The following P2RY14 variants were observed in gnomAD, a reference collection of about 807,000 sequenced individuals.
The protein encoded by P2RY14 is purinergic receptor P2Y14, also known as P2Y purinoceptor 14.
Under a neutral mutation model 0.9 loss-of-function variants are expected in P2RY14, and 2 were observed. The ratio of observed to expected loss-of-function variants is 2.16; its 90% confidence interval spans 0.88 to 6.79. P2RY14 has a LOEUF of 6.79. Ranked by LOEUF, P2RY14 falls within the 30% of genes most tolerant of loss-of-function variation. The pLI, the probability that P2RY14 is intolerant of heterozygous loss-of-function variation, is 0.05. For missense variants in P2RY14, 378 were observed against 400.1 expected (o/e 0.94, Z 0.47); for synonymous variants, 158 against 147.2 (o/e 1.07, Z -0.53).
At chr3:151,235,659 A>G (rs1175608463) in intron 1 of P2RY14, among the ~76,000 whole-genome samples, 6 of 151,828 alleles carry the variant, frequency 4.0e-5, no homozygotes, top group Non-Finnish European at 7.4e-5. Flanking sequence ...GCGCCACTGC[A>G]CTCCAGCCTG....
At position 151,277,209 on chromosome 3, in the gene P2RY14, G is replaced by GT. The variant is rs1330337161; in HGVS notation, c.-133+1077dup. Among the ~76,000 whole-genome samples the GT allele has an allele frequency of 2.6e-3, 370 of 142,212 alleles. 2 individuals are homozygous for GT. The highest frequency in any genetic ancestry group is 0.011 in the East Asian group (53 of 4,902). 93.3% of individuals were successfully genotyped at this position (142,212 alleles called of 152,430 possible). A position where few individuals can be genotyped will look rare whatever the true frequency, so the allele number is the denominator to read the frequency against. ...GTGAGCCACCATGCCTGGCCTCCTT[G>GT]TTTTTTTTTTTTCCAGACATGACAA... On this transcript the variant is annotated intron_variant, in intron 1 of 2. Transcript: ENST00000309170.
In P2RY14 at chr3:151,213,517, C is replaced by A. The variant is rs142582353; in HGVS notation, c.800G>T (p.Cys267Phe). The A allele has an allele frequency of 8.7e-6, 14 of 1,614,000 alleles. No individual in the cohort carries two copies. The highest frequency in any genetic ancestry group is 1.1e-5 in the South Asian group (1 of 91,080). Residue 267 changes from cysteine (C) to phenylalanine (F), a missense_variant, in exon 3 of 3, where the codon TGC (cysteine) becomes TTC (phenylalanine). Coordinates refer to ENST00000309170, the MANE Select transcript of P2RY14 (RefSeq NM_014879.4). Reference protein sequence around the residue: ...TKSQTEAHYSCQSKEILRYMK... With the variant: ...TKSQTEAHYSFQSKEILRYMK... ...ATACCGCAAGATTTCTTTTGACTGG[C>A]AGCTGTAATGAGCTTCGGTCTGACT...
At chr3:151,216,262 C>G (rs984637429) in intron 2 of P2RY14, among the ~76,000 whole-genome samples, 1 of 152,174 alleles carries the variant, frequency 6.6e-6, no homozygotes, top group Non-Finnish European at 1.5e-5. Context: ...AAGATTTATT[C>G]AGGGATCAAG....
Position 151,213,219 on chromosome 3 carries a change from G to A in P2RY14, c.*81C>T, listed in dbSNP as rs982478855. On this transcript the variant is annotated 3_prime_UTR_variant, in exon 3 of 3. Transcript: ENST00000309170. The stretch of plus-strand genomic sequence containing the variant: ...GCTAGAGATGATATTTATGATGAGG[G>A]CACATATCTTATTGATTTCTGTTAT... 15 of 1,036,618 alleles carry A rather than the reference G, an allele frequency of 1.4e-5. No individual in the cohort carries two copies. The highest frequency in any genetic ancestry group is 9.5e-5 in the East Asian group (4 of 42,024). 64.2% of individuals were successfully genotyped at this position (1,036,618 alleles called of 1,614,324 possible).
In P2RY14 at chr3:151,247,962, C is replaced by CTTTTTTT. The variant is rs61102632; in HGVS notation, c.-132-28327_-132-28321dup. On this transcript the variant is annotated intron_variant, in intron 1 of 2. Transcript: ENST00000309170. ...GTTTACTTTCTTTCTTCTTCTTCTTCTTTTTTTTTTTTTTTTTTTTTTTGC... is the reference window on the plus strand; with the variant it reads ...GTTTACTTTCTTTCTTCTTCTTCTTCTTTTTTTTTTTTTTTTTTTTTTTTTTTTTTGC... 3.3e-3 allele frequency among the ~76,000 whole-genome samples: 253 copies of CTTTTTTT among 75,858 alleles called. 1 individual carries two copies. Among genetic ancestry groups the CTTTTTTT allele is most frequent in the Non-Finnish European group, 4.3e-3 (175 of 40,668 alleles). 49.8% of individuals were successfully genotyped at this position (75,858 alleles called of 152,430 possible). A position where few individuals can be genotyped will look rare whatever the true frequency, so the allele number is the denominator to read the frequency against.
chr3:151,241,346 C>CA, intron 1 of P2RY14, among the ~76,000 whole-genome samples: 1 of 152,226 alleles, frequency 6.6e-6, no homozygotes, highest in East Asian at 1.9e-4. Flanking sequence ...TGGCAAAAGG[C>CA]AAGTAAGCCT....
At chr3:151,251,868 C>G (rs1231978394) in intron 1 of P2RY14, among the ~76,000 whole-genome samples, 1 of 152,142 alleles carries the variant, frequency 6.6e-6, no homozygotes, top group African/African-American at 2.4e-5. Flanking sequence ...GCCACCTGAT[C>G]TGTTTATATC....
rs113459119 is a variant in P2RY14 at position 151,237,051 on chromosome 3, T to C, written c.-132-17409A>G. On this transcript the variant is annotated intron_variant, in intron 1 of 2. Coordinates refer to ENST00000309170, the MANE Select transcript of P2RY14 (RefSeq NM_014879.4). ...TTCAGGAAGTGATGCCAAACTTTTT[T>C]TTTTTTTTTTTTTTTGAGACGGAAT... Among the ~76,000 whole-genome samples the C allele has an allele frequency of 5.8e-3, 867 of 150,270 alleles. 4 individuals are homozygous for C. The highest frequency in any genetic ancestry group is 0.01 in the Non-Finnish European group (685 of 67,526).
intron 1 of P2RY14, among the ~76,000 whole-genome samples, chr3:151,233,266 T>G (rs1056928411): frequency 6.6e-6 from 1 of 152,234 alleles, no homozygotes; most frequent in African/African-American, 2.4e-5. Context: ...TACGCTGTCT[T>G]GTCATCTCTT....
intron 1 of P2RY14, among the ~76,000 whole-genome samples, chr3:151,249,383 A>G (rs1736402245): frequency 1.3e-5 from 2 of 152,160 alleles, no homozygotes; most frequent in African/African-American, 4.8e-5. Flanking sequence ...GAAAACCAAA[A>G]AATATTTGAG....
intron 1 of P2RY14, among the ~76,000 whole-genome samples, chr3:151,270,503 G>C (rs1223599257): frequency 6.6e-6 from 1 of 152,084 alleles, no homozygotes; most frequent in African/African-American, 2.4e-5. Context: ...CTGTGTATTA[G>C]TGCACAGAAT....
At position 151,270,158 on chromosome 3, in the gene P2RY14, T is replaced by G. The variant is rs1041584268; in HGVS notation, c.-133+8129A>C. ...AATAGAACACTGATAGGTTCCAACC[T>G]TTTTAAAAATTTTCTCCAGTTCCTG... On this transcript the variant is annotated intron_variant, in intron 1 of 2. Transcript: ENST00000309170. 1.4e-5 allele frequency: 3 copies of G among 210,074 alleles called. No homozygotes were observed. In the Admixed American group the frequency reaches 1.7e-4, roughly 12 times the overall value. 13.0% of individuals were successfully genotyped at this position (210,074 alleles called of 1,614,324 possible). A position where few individuals can be genotyped will look rare whatever the true frequency, so the allele number is the denominator to read the frequency against.
At chr3:151,247,691 G>A (rs1461189670) in intron 1 of P2RY14, among the ~76,000 whole-genome samples, 1 of 147,034 alleles carries the variant, frequency 6.8e-6, no homozygotes, top group Non-Finnish European at 1.5e-5. Flanking sequence ...CAGTGCACCA[G>A]CATGGCACAT....
intron 1 of P2RY14, among the ~76,000 whole-genome samples, chr3:151,228,653 A>G (rs570463536): frequency 6.6e-6 from 1 of 152,284 alleles, no homozygotes; most frequent in East Asian, 1.9e-4. Context: ...GTGGCACTCA[A>G]CAACAGAGTG....
chr3:151,270,119 A>G (rs1740614216), intron 1 of P2RY14: 1 of 242,754 alleles, frequency 4.1e-6, no homozygotes, highest in Admixed American at 5.3e-5. Context: ...AAGGGGGTGA[A>G]GGAGAAAATG....
chr3:151,241,530 G>A (rs1734077167), intron 1 of P2RY14, among the ~76,000 whole-genome samples: 1 of 152,142 alleles, frequency 6.6e-6, no homozygotes, highest in African/African-American at 2.4e-5. Flanking sequence ...GACTGATGTG[G>A]AGAGATGCAA....
At chr3:151,224,277 G>T (rs1310017561) in intron 1 of P2RY14, among the ~76,000 whole-genome samples, 3 of 151,886 alleles carry the variant, frequency 2.0e-5, no homozygotes, top group Non-Finnish European at 4.4e-5. Context: ...GACATCAAAA[G>T]CTTTAATACA....
chr3:151,268,513 G>A lies in P2RY14; in HGVS notation c.-133+9774C>T, dbSNP rs553198969. Among the ~76,000 whole-genome samples the A allele has an allele frequency of 2.0e-5, 3 of 152,262 alleles. No homozygotes were observed. In the South Asian group the frequency reaches 6.2e-4, roughly 32 times the overall value. On this transcript the variant is annotated intron_variant, in intron 1 of 2. Transcript: ENST00000309170. ...CAGAACCATAACATGAGTTCTAAAT[G>A]GAAGCTTCCAGGTTTCTCCATTTTG...
chr3:151,274,643 G>A (rs1384139739), intron 1 of P2RY14, among the ~76,000 whole-genome samples: 3 of 152,310 alleles, frequency 2.0e-5, no homozygotes, highest in African/African-American at 7.2e-5. Context: ...TTTGGATCTA[G>A]TCAGTAAATG....
Sources: gnomAD v4.1 joint callset for allele counts (sites outside exome capture counted in the v4.1 genomes callset) on GRCh38, gnomAD v4.1.1 for gene constraint, MANE v1.5 for transcripts, NCBI Gene and HGNC (gene_info 2026-07-23, HGNC 2026-07-21) for gene names.